NEBL: variants seen among roughly 807,000 people sequenced by gnomAD.
The protein encoded by NEBL is LIM and SH3 protein 2.
NEBL carries 122 observed loss-of-function variants against 140.2 expected under a neutral mutation model. The observed-to-expected ratio is 0.87, with a 90% CI of 0.75 to 1.01. NEBL has a LOEUF of 1.01. NEBL is among the 50% of genes least tolerant of loss of function. The pLI, the probability that NEBL is intolerant of heterozygous loss-of-function variation, is 0.00. For synonymous variants in NEBL, 436 were observed against 398.9 expected (o/e 1.09, Z -1.11); for missense variants, 1,365 against 1,231.3 (o/e 1.11, Z -1.62).
At chr10:21,216,767 T>A (rs1204054231) in intron 3 of NEBL, among the ~76,000 whole-genome samples, 1 of 126,064 alleles carries the variant, frequency 7.9e-6, no homozygotes, top group Non-Finnish European at 1.5e-5. Flanking sequence ...CAAGACTCCA[T>A]CTCGAAAAAA....
At chr10:21,150,170 AAAAT>A (rs1202068181) in intron 2 of NEBL, among the ~76,000 whole-genome samples, 1 of 152,230 alleles carries the variant, frequency 6.6e-6, no homozygotes, top group Admixed American at 6.5e-5. Flanking sequence ...AATTATTTAC[AAAAT>A]AAATAAATAA....
upstream of NEBL, among the ~76,000 whole-genome samples, chr10:20,898,947 C>T (rs758557968): frequency 3.3e-5 from 5 of 152,138 alleles, no homozygotes; most frequent in African/African-American, 4.8e-5. Flanking sequence ...GTTTTTGATA[C>T]AGGCTAAATT....
At chr10:21,089,218 A>T (rs913430511) in intron 2 of NEBL, among the ~76,000 whole-genome samples, 1 of 152,164 alleles carries the variant, frequency 6.6e-6, no homozygotes, top group Non-Finnish European at 1.5e-5. Flanking sequence ...AAGGAAGGAC[A>T]GGTCTGTGGG....
Position 20,831,246 on chromosome 10 carries a change from C to A in NEBL, c.1621G>T (p.Asp541Tyr), listed in dbSNP as rs922495834. The change falls in exon 16 of 28, where the codon GAT (aspartate) becomes TAT (tyrosine). Residue 541 changes from aspartate (D) to tyrosine (Y), a missense_variant. Asp to Tyr is a radical substitution (Grantham distance 160). Around this residue, in one of 2 missense-constraint regions of NEBL, gnomAD observed 1,323 missense variants for 1,154.8 expected, o/e 1.15. Coordinates refer to ENST00000377122, the MANE Select transcript of NEBL (RefSeq NM_006393.3). ...TTGGCTCGAAGGATATCTGGGATAT[C>A]CATGCTCACTTGCATTCCTTTCCCT... is the stretch of plus-strand genomic sequence containing the variant. The part of the protein sequence containing the change: ...IKGKGMQVSM[D>Y]IPDILRAKRT... 4.3e-6 allele frequency: 7 copies of A among 1,613,586 alleles called. No homozygotes were observed. Among genetic ancestry groups the A allele is most frequent in the Middle Eastern group, 3.3e-4 (2 of 6,084 alleles).
chr10:21,159,854 G>A (rs1840483331), intron 2 of NEBL, among the ~76,000 whole-genome samples: 1 of 152,080 alleles, frequency 6.6e-6, no homozygotes, highest in African/African-American at 2.4e-5. Flanking sequence ...AAAACTCCTG[G>A]ATCTTACGTA....
At chr10:21,088,108 C>A (rs568817942) in intron 2 of NEBL, among the ~76,000 whole-genome samples, 2 of 152,300 alleles carry the variant, frequency 1.3e-5, no homozygotes, top group South Asian at 4.1e-4. Context: ...TCAGGAATCA[C>A]CCCTGGGTCT....
intron 10 of NEBL, among the ~76,000 whole-genome samples, 164 bp from the exon 11 acceptor site, chr10:20,850,666 G>A (rs371001505): frequency 5.9e-5 from 9 of 152,144 alleles, no homozygotes; most frequent in African/African-American, 1.9e-4. Flanking sequence ...TGACATACAA[G>A]GAAAGTAAAC....
chr10:20,908,607 A>G (rs999727029), intron 4 of NEBL, among the ~76,000 whole-genome samples: 2 of 152,026 alleles, frequency 1.3e-5, no homozygotes, highest in Admixed American at 6.6e-5. Flanking sequence ...TTAACAATCA[A>G]CTCTCTCAGG....
At chr10:20,791,014 TG>T (rs1266892677) in intron 26 of NEBL, among the ~76,000 whole-genome samples, 68 of 152,350 alleles carry the variant, frequency 4.5e-4, no homozygotes, top group African/African-American at 1.6e-3. Flanking sequence ...TGGGGGACAA[TG>T]GCTTTTCTAA....
intron 12 of NEBL, among the ~76,000 whole-genome samples, chr10:20,842,704 A>G (rs1268756835): frequency 6.6e-6 from 1 of 152,056 alleles, no homozygotes; most frequent in Non-Finnish European, 1.5e-5. Context: ...TAATATATCC[A>G]TTACCTCAAA....
intron 1 of NEBL, among the ~76,000 whole-genome samples, chr10:21,270,831 T>C (rs1039497151): frequency 1.3e-5 from 2 of 152,182 alleles, no homozygotes; most frequent in Admixed American, 1.3e-4. Context: ...ACACAACGTA[T>C]GGATATGTAC....
At chr10:20,942,568 T>G (rs1834930688) in intron 4 of NEBL, among the ~76,000 whole-genome samples, 1 of 151,984 alleles carries the variant, frequency 6.6e-6, no homozygotes, top group Non-Finnish European at 1.5e-5. Flanking sequence ...GCAATGGCAA[T>G]AAAAGCCAAA....
intron 3 of NEBL, among the ~76,000 whole-genome samples, chr10:21,191,244 A>C (rs1299461846): frequency 1.3e-5 from 2 of 152,224 alleles, no homozygotes; most frequent in Non-Finnish European, 1.5e-5. Flanking sequence ...ATGATATGCC[A>C]GCAGTAATCT....
intron 2 of NEBL, among the ~76,000 whole-genome samples, chr10:21,062,506 T>C (rs1380472107): frequency 1.3e-5 from 2 of 150,974 alleles, no homozygotes; most frequent in African/African-American, 4.9e-5. Context: ...ACAAAAAAAA[T>C]TAAAAAATAA....
At chr10:21,268,260 G>A (rs988098315) in intron 1 of NEBL, among the ~76,000 whole-genome samples, 2 of 152,032 alleles carry the variant, frequency 1.3e-5, no homozygotes, top group Admixed American at 1.3e-4. Flanking sequence ...GTTGAGGACA[G>A]GAGTTCAAGA....
chr10:21,134,727 G>A (rs552612164), intron 2 of NEBL, among the ~76,000 whole-genome samples: 7 of 152,120 alleles, frequency 4.6e-5, no homozygotes, highest in South Asian at 2.1e-4. Flanking sequence ...TAGCAGATGC[G>A]CAATATAATT....
intron 4 of NEBL, among the ~76,000 whole-genome samples, chr10:20,951,932 AT>A (rs1013395860): frequency 5.9e-5 from 9 of 152,010 alleles, no homozygotes; most frequent in Non-Finnish European, 1.2e-4. Context: ...TGTCCTGGAA[AT>A]TTTTTTTCTA....
In NEBL at chr10:20,897,049, AG is replaced by A; in HGVS notation, c.82-21del. On this transcript the variant is annotated intron_variant, in intron 1 of 27. Transcript: ENST00000377122. ...GAAGACCTATTTGAAAAAAAAGAAA[AG>A]AACAGAAAGAACATTTTTCTCATTG... 1 of 1,609,874 alleles carries A rather than the reference AG, an allele frequency of 6.2e-7. No homozygotes were observed. Among genetic ancestry groups the A allele is most frequent in the Non-Finnish European group, 8.5e-7 (1 of 1,176,394 alleles).
chr10:21,188,465 T>C (rs1015166316), intron 3 of NEBL, among the ~76,000 whole-genome samples: 1 of 152,230 alleles, frequency 6.6e-6, no homozygotes, highest in African/African-American at 2.4e-5. Context: ...TTTCCTATAC[T>C]AATTATAAGT....
Sources: allele counts gnomAD v4.1 joint callset (sites outside exome capture counted in the v4.1 genomes callset), GRCh38; gene constraint gnomAD v4.1.1; regional missense constraint gnomAD v4.1.1; transcripts MANE v1.5; gene names NCBI Gene and HGNC (gene_info 2026-07-23, HGNC 2026-07-21).